The following DNAJB5 variants were observed in gnomAD, a reference collection of about 807,000 sequenced individuals.
The protein encoded by DNAJB5 is dnaJ homolog subfamily B member 5.
In DNAJB5, 12 loss-of-function variants were observed where a neutral mutation model predicts 32.6. The ratio of observed to expected loss-of-function variants is 0.37; its 90% CI spans 0.24 to 0.60. DNAJB5 has a LOEUF of 0.60. Among genes scored for constraint, DNAJB5 ranks in the 20% least tolerant of loss-of-function variants. The pLI is 0.71. For missense variants in DNAJB5, 358 were observed against 554.2 expected (o/e 0.65, Z 3.55); for synonymous variants, 188 against 212.9 (o/e 0.88, Z 1.02).
chr9:34,997,364 T>A lies in DNAJB5; in HGVS notation c.*105T>A. The A allele has an allele frequency of 1.3e-5, 16 of 1,245,634 alleles. No individual in the cohort carries two copies. The highest frequency in any genetic ancestry group is 2.4e-5 in the East Asian group (1 of 41,948). The allele number at this position is 1,245,634 out of a possible 1,614,324, so 77.2% of individuals were successfully genotyped here. A position where few individuals can be genotyped will look rare whatever the true frequency, so the allele number is the denominator to read the frequency against. ...TCCACTGGACACTGGCAACTTTTTC[T>A]AAAATGCAAAAAAAAGCCACTGGTT... is the stretch of plus-strand genomic sequence containing the variant. On this transcript the variant is annotated 3_prime_UTR_variant, in exon 5 of 5. Coordinates refer to ENST00000682809, the MANE Select transcript of DNAJB5 (RefSeq NM_001349723.3). The surrounding 1 kb of genome is among the most constrained non-coding windows in gnomAD (Gnocchi z 4.1).
At chr9:34,994,487 G>C (rs1259372786) in intron 3 of DNAJB5, among the ~76,000 whole-genome samples, 1 of 152,084 alleles carries the variant, frequency 6.6e-6, no homozygotes, top group African/African-American at 2.4e-5. Flanking sequence ...AGATTCACCA[G>C]ATACCGGCTG....
Position 34,990,779 on chromosome 9 carries a change from G to C in DNAJB5, c.149G>C (p.Arg50Pro), listed in dbSNP as rs1032931397. The C allele has an allele frequency of 6.4e-7, 1 of 1,551,198 alleles. No individual in the cohort carries two copies. The highest frequency in any genetic ancestry group is 1.4e-5 in the African/African-American group (1 of 72,910). Residue 50 changes from arginine to proline, a missense_variant, in exon 2 of 5, where the codon CGA becomes CCA. This residue lies in a region of DNAJB5 where 110 missense variants were observed against 111.7 expected (regional missense o/e 0.99). Coordinates refer to ENST00000682809, the MANE Select transcript of DNAJB5 (RefSeq NM_001349723.3). The surrounding 1 kb of genome is among the most constrained non-coding windows in gnomAD (Gnocchi z 4.5). ...FKIQLEPLKLRAWTLNGFVKF... is the reference protein window; with the variant it reads ...FKIQLEPLKLPAWTLNGFVKF... Reference sequence around the variant, plus strand: ...ATTCAGCTGGAGCCCTTAAAACTTCGAGCGTGGACGCTGAATGGGTTTGTA... The same window carrying C: ...ATTCAGCTGGAGCCCTTAAAACTTCCAGCGTGGACGCTGAATGGGTTTGTA...
rs1644718750 is a variant in DNAJB5 at position 34,993,582 on chromosome 9, G to A, written c.427+138G>A. 3.4e-6 allele frequency: 4 copies of A among 1,189,056 alleles called. No homozygotes were observed. Among genetic ancestry groups the A allele is most frequent in the Non-Finnish European group, 4.6e-6 (4 of 864,688 alleles). 73.7% of individuals were successfully genotyped at this position (1,189,056 alleles called of 1,614,324 possible). A position where few individuals can be genotyped will look rare whatever the true frequency, so the allele number is the denominator to read the frequency against. On this transcript the variant is annotated intron_variant, in intron 3 of 4. Transcript: ENST00000682809. The surrounding 1 kb of genome is among the most constrained non-coding windows in gnomAD (Gnocchi z 4.7). ...AGGGTTTCCAGCACTGTCACCCAGA[G>A]AAGAGAGAAGCCCACCCACTACCCA...
chr9:34,992,920 C>G, intron 2 of DNAJB5: 1 of 1,281,890 alleles, frequency 7.8e-7, no homozygotes, highest in Non-Finnish European at 9.9e-7. Context: ...GGCCCAAGGA[C>G]CAGGGCCTCA....
chr9:34,995,844 T>C (rs1204965734), intron 3 of DNAJB5, among the ~76,000 whole-genome samples: 12 of 152,230 alleles, frequency 7.9e-5, no homozygotes, highest in Admixed American at 7.8e-4. Flanking sequence ...TCCTGTCTGA[T>C]GGCCCCTTGT....
Position 34,996,511 on chromosome 9 carries a change from C to A in DNAJB5, c.674C>A (p.Pro225Gln), listed in dbSNP as rs1481577157. 1 of 1,614,148 alleles carries A rather than the reference C, an allele frequency of 6.2e-7. No individual in the cohort carries two copies. The highest frequency in any genetic ancestry group is 8.5e-7 in the Non-Finnish European group (1 of 1,180,028). The change falls in exon 4 of 5, where the codon CCA (proline) becomes CAA (glutamine). Residue 225 changes from proline (P) to glutamine (Q), a missense_variant. Physicochemically the swap from Pro to Gln is moderately conservative, Grantham distance 76 (BLOSUM62 -1). Coordinates refer to ENST00000682809, the MANE Select transcript of DNAJB5 (RefSeq NM_001349723.3). The surrounding 1 kb of genome is among the most constrained non-coding windows in gnomAD (Gnocchi z 7.2). Reference sequence around the variant, plus strand: ...GGCTTCAATGGGCTGAGTAGGGGTCCAAGGCGAGCCCCAGAACCACTGTAC... The same window carrying A: ...GGCTTCAATGGGCTGAGTAGGGGTCAAAGGCGAGCCCCAGAACCACTGTAC... ...RFGFNGLSRG[P>Q]RRAPEPLYPR...
Position 34,991,085 on chromosome 9 carries a change from T to C in DNAJB5, c.182+273T>C, listed in dbSNP as rs1286895560. ...CTTTCAACCCATCATTAACCCATTT[T>C]CCACCTCAGCCATTTCCATCTGTCA... is the stretch of plus-strand genomic sequence containing the variant. On this transcript the variant is annotated intron_variant, in intron 2 of 4. Coordinates refer to ENST00000682809, the MANE Select transcript of DNAJB5 (RefSeq NM_001349723.3). The C allele has an allele frequency of 1.2e-5, 6 of 510,102 alleles. No individual in the cohort carries two copies. In the South Asian group the frequency reaches 1.2e-4, roughly 10 times the overall value. 31.6% of individuals were successfully genotyped at this position (510,102 alleles called of 1,614,324 possible).
Position 34,990,704 on chromosome 9 carries a change from G to A in DNAJB5, c.74G>A (p.Ser25Asn), listed in dbSNP as rs765473959. 6.4e-7 allele frequency: 1 copy of A among 1,551,746 alleles called. No homozygotes were observed. The highest frequency in any genetic ancestry group is 1.2e-5 in the South Asian group (1 of 84,058). Residue 25 changes from serine (S) to asparagine (N), a missense_variant, in exon 2 of 5, where the codon AGC becomes AAC. Around this residue, in one of 2 missense-constraint regions of DNAJB5, gnomAD observed 110 missense variants for 111.7 expected, o/e 0.99. Coordinates refer to ENST00000682809, the MANE Select transcript of DNAJB5 (RefSeq NM_001349723.3). This position sits in a 1 kb window ranked among gnomAD's most constrained non-coding sequence, Gnocchi z 4.5. ...PPLQARGAFR[S>N]FPHSWGEDFL... ...CTGCAGGCCCGAGGAGCTTTCCGGAGCTTCCCACACTCCTGGGGAGAAGAC... is the reference window on the plus strand; with the variant it reads ...CTGCAGGCCCGAGGAGCTTTCCGGAACTTCCCACACTCCTGGGGAGAAGAC...
At position 34,997,421 on chromosome 9, in the gene DNAJB5, T is replaced by G. The variant is rs1472613659; in HGVS notation, c.*162T>G. On this transcript the variant is annotated 3_prime_UTR_variant, in exon 5 of 5. Coordinates refer to ENST00000682809, the MANE Select transcript of DNAJB5 (RefSeq NM_001349723.3). The surrounding 1 kb of genome is among the most constrained non-coding windows in gnomAD (Gnocchi z 4.1). ...AAAATGTTCCTGTCCCTGACCCCTT[T>G]TAGAGCTGGGCTGCCTGGGGGGAGT... 2 of 834,484 alleles carry G rather than the reference T, an allele frequency of 2.4e-6. No individual in the cohort carries two copies. Among genetic ancestry groups the G allele is most frequent in the African/African-American group, 1.7e-5 (1 of 59,564 alleles). The allele number at this position is 834,484 out of a possible 1,614,324, so 51.7% of individuals were successfully genotyped here. A position where few individuals can be genotyped will look rare whatever the true frequency, so the allele number is the denominator to read the frequency against.
Position 34,996,496 on chromosome 9 carries a change from G to A in DNAJB5, c.659G>A (p.Gly220Glu). ...GCTTTCGGCCGTTTTGGCTTCAATG[G>A]GCTGAGTAGGGGTCCAAGGCGAGCC... is the stretch of plus-strand genomic sequence containing the variant. Reference protein sequence around the residue: ...FGAFGRFGFNGLSRGPRRAPE... With the variant: ...FGAFGRFGFNELSRGPRRAPE... The change falls in exon 4 of 5, where the codon GGG becomes GAG. Residue 220 changes from glycine (G) to glutamate (E), a missense_variant. Coordinates refer to ENST00000682809, the MANE Select transcript of DNAJB5 (RefSeq NM_001349723.3). The surrounding 1 kb of genome is among the most constrained non-coding windows in gnomAD (Gnocchi z 7.2). The A allele has an allele frequency of 6.2e-7, 1 of 1,614,120 alleles. No homozygotes were observed. Among genetic ancestry groups the A allele is most frequent in the Non-Finnish European group, 8.5e-7 (1 of 1,180,024 alleles).
Position 34,997,163 on chromosome 9 carries a change from G to C in DNAJB5, c.1167G>C (p.Gln389His). 6.2e-7 allele frequency: 1 copy of C among 1,614,164 alleles called. No homozygotes were observed. The highest frequency in any genetic ancestry group is 8.5e-7 in the Non-Finnish European group (1 of 1,180,032). The change falls in exon 5 of 5, where the codon CAG becomes CAC. Residue 389 changes from glutamine to histidine, a missense_variant. Physicochemically the swap from Gln to His is conservative, Grantham distance 24. Around this residue, in one of 2 missense-constraint regions of DNAJB5, gnomAD observed 248 missense variants for 442.6 expected, o/e 0.56. Transcript: ENST00000682809. This position sits in a 1 kb window ranked among gnomAD's most constrained non-coding sequence, Gnocchi z 4.1. ...EGLPFPKVPT[Q>H]RGDLIVEFKV... is the part of the protein sequence containing the mutation. ...TTCCCTTCCCCAAAGTGCCAACTCA[G>C]CGAGGAGACCTCATTGTTGAGTTCA...
chr9:34,990,853 TC>T lies in DNAJB5; in HGVS notation c.182+42del. On this transcript the variant is annotated intron_variant, in intron 2 of 4. Coordinates refer to ENST00000682809, the MANE Select transcript of DNAJB5 (RefSeq NM_001349723.3). The surrounding 1 kb of genome is among the most constrained non-coding windows in gnomAD (Gnocchi z 4.5). Reference sequence around the variant, plus strand: ...GAAGGGCACTCACACCCATACCCAGTCAAACCCTCCACGCGGCCATCCCCTC... The same window carrying T: ...GAAGGGCACTCACACCCATACCCAGTAAACCCTCCACGCGGCCATCCCCTC... 6.6e-7 allele frequency: 1 copy of T among 1,519,646 alleles called. No homozygotes were observed. Among genetic ancestry groups the T allele is most frequent in the Non-Finnish European group, 8.8e-7 (1 of 1,131,630 alleles). 94.1% of individuals were successfully genotyped at this position (1,519,646 alleles called of 1,614,324 possible). A position where few individuals can be genotyped will look rare whatever the true frequency, so the allele number is the denominator to read the frequency against.
At chr9:34,991,073 A>G (rs988468569) in intron 2 of DNAJB5, 17 of 528,886 alleles carry the variant, frequency 3.2e-5, no homozygotes, top group African/African-American at 2.1e-4. Flanking sequence ...TCAACCCATC[A>G]TTAACCCATT....
chr9:34,989,805 C>T lies in DNAJB5; in HGVS notation c.-159C>T. On this transcript the variant is annotated 5_prime_UTR_variant, in exon 1 of 5. Coordinates refer to ENST00000682809, the MANE Select transcript of DNAJB5 (RefSeq NM_001349723.3). ...AGGGGGCAGCGGCTGTCTCACGGAC[C>T]ACGGCGGCGCCCGCAGCTCCTCACC... 3.2e-6 allele frequency: 4 copies of T among 1,232,392 alleles called. No individual in the cohort carries two copies. Among genetic ancestry groups the T allele is most frequent in the Non-Finnish European group, 4.0e-6 (4 of 988,250 alleles). The allele number at this position is 1,232,392 out of a possible 1,614,324, so 76.3% of individuals were successfully genotyped here.
At chr9:34,995,007 A>G (rs1827751441) in intron 3 of DNAJB5, among the ~76,000 whole-genome samples, 1 of 152,106 alleles carries the variant, frequency 6.6e-6, no homozygotes, top group African/African-American at 2.4e-5. Context: ...TCCCATCATC[A>G]TCAGTCCAGC....
intron 3 of DNAJB5, among the ~76,000 whole-genome samples, chr9:34,995,537 G>A (rs1031164136): frequency 1.3e-5 from 2 of 152,154 alleles, no homozygotes; most frequent in Non-Finnish European, 2.9e-5. Flanking sequence ...TAACTCCAGG[G>A]AGCTCCATTC....
Position 34,996,282 on chromosome 9 carries a change from G to A in DNAJB5, c.445G>A (p.Gly149Ser). 6.2e-7 allele frequency: 1 copy of A among 1,613,776 alleles called. No homozygotes were observed. Among genetic ancestry groups the A allele is most frequent in the East Asian group, 2.2e-5 (1 of 44,876 alleles). ...CCCTCTAGGCCTGAAGACCGGCGGTGGCACATCAGGTGGCTCCAGTGGCTC... is the reference window on the plus strand; with the variant it reads ...CCCTCTAGGCCTGAAGACCGGCGGTAGCACATCAGGTGGCTCCAGTGGCTC... Reference protein sequence around the residue: ...YGEEGLKTGGGTSGGSSGSFH... With the variant: ...YGEEGLKTGGSTSGGSSGSFH... Residue 149 changes from glycine (G) to serine (S), a missense_variant, in exon 4 of 5, where the codon GGC becomes AGC. Physicochemically the swap from Gly to Ser is moderately conservative, Grantham distance 56 (BLOSUM62 0). Transcript: ENST00000682809. This position sits in a 1 kb window ranked among gnomAD's most constrained non-coding sequence, Gnocchi z 7.2.
rs200754001 is a variant in DNAJB5, at chr9:34,991,620, C to CG, written c.182+808_182+809insG. The stretch of plus-strand genomic sequence containing the variant: ...TGAGGCAGAAATGGCAGACCACCCC[C>CG]CCCCGCTCCCTCTCAGACGGCTTTT... On this transcript the variant is annotated intron_variant, in intron 2 of 4. Coordinates refer to ENST00000682809, the MANE Select transcript of DNAJB5 (RefSeq NM_001349723.3). 137 of 212,516 alleles carry CG rather than the reference C, an allele frequency of 6.4e-4. 7 individuals carry two copies. Among genetic ancestry groups the CG allele is most frequent in the African/African-American group, 3.0e-3 (90 of 30,280 alleles). 13.2% of individuals were successfully genotyped at this position (212,516 alleles called of 1,614,324 possible).
chr9:34,994,077 G>A (rs1222821965), intron 3 of DNAJB5, among the ~76,000 whole-genome samples: 1 of 152,184 alleles, frequency 6.6e-6, no homozygotes, highest in Non-Finnish European at 1.5e-5. Flanking sequence ...AAGCCTCTGA[G>A]AGGGAGGCCC....
Sources: gnomAD v4.1 joint callset for allele counts (sites outside exome capture counted in the v4.1 genomes callset) on GRCh38, gnomAD v4.1.1 for gene constraint, gnomAD v4.1.1 regional missense constraint, Gnocchi (gnomAD v3.1) non-coding constraint, MANE v1.5 for transcripts, NCBI Gene and HGNC (gene_info 2026-07-23, HGNC 2026-07-21) for gene names.